SOX6: variants seen among roughly 807,000 people sequenced by gnomAD.
SOX6 encodes the protein SRY-box transcription factor 6.
Under a neutral mutation model 97.8 loss-of-function variants are expected in SOX6, and 11 were observed. The ratio of observed to expected loss-of-function variants is 0.11; its 90% CI spans 0.07 to 0.19. The LOEUF is 0.19. Ranked by LOEUF, SOX6 falls within the 10% of genes least tolerant of loss-of-function variation. The probability of loss-of-function intolerance (pLI) is 1.00; values close to 1 mark genes in which losing one functional copy is unlikely to be tolerated. For synonymous variants in SOX6, 360 were observed against 371.4 expected, an observed-to-expected ratio of 0.97 and a Z score of 0.35; for missense variants, 810 against 1,039.5, an observed-to-expected ratio of 0.78 and a Z score of 3.04.
At chr11:16,481,185 T>C (rs925610305), upstream of SOX6, among the ~76,000 whole-genome samples, 3 of 152,278 alleles carry the variant, frequency 2.0e-5, no homozygotes, top group Non-Finnish European at 4.4e-5. Context: ...CCATGTTTAT[T>C]GAACTCCATA....
chr11:16,496,987 C>T (rs779774358), intron 4 of SOX6, among the ~76,000 whole-genome samples: 1 of 152,208 alleles, frequency 6.6e-6, no homozygotes, highest in Non-Finnish European at 1.5e-5. Flanking sequence ...TCCCAGCACA[C>T]AGCTGGAGAT....
intron 3 of SOX6, among the ~76,000 whole-genome samples, chr11:16,657,216 T>C (rs1297763935): frequency 6.6e-6 from 1 of 152,226 alleles, no homozygotes; most frequent in Non-Finnish European, 1.5e-5. Flanking sequence ...CATAAAGTCT[T>C]TGCAGAATGG....
chr11:16,397,899 G>A (rs1277174487), intron 1 of SOX6, among the ~76,000 whole-genome samples: 2 of 151,526 alleles, frequency 1.3e-5, no homozygotes, highest in African/African-American at 4.8e-5. Flanking sequence ...CTTATATGCA[G>A]ATAAACAAAA....
intron 3 of SOX6, among the ~76,000 whole-genome samples, chr11:16,265,015 GGCA>G (rs1854032364): frequency 6.6e-6 from 1 of 151,758 alleles, no homozygotes; most frequent in South Asian, 2.1e-4. Context: ...TACAGTACAA[GGCA>G]GAAGAACTCA....
chr11:16,363,963 T>C (rs553931660), intron 1 of SOX6, among the ~76,000 whole-genome samples: 3 of 152,270 alleles, frequency 2.0e-5, no homozygotes, highest in African/African-American at 7.2e-5. Flanking sequence ...CCAGATGTTC[T>C]TTTCCATCAC....
At chr11:16,131,128 G>A (rs546718541) in intron 6 of SOX6, among the ~76,000 whole-genome samples, 13 of 151,582 alleles carry the variant, frequency 8.6e-5, no homozygotes, top group African/African-American at 1.4e-4. Flanking sequence ...CATTAAAATC[G>A]TAAACTTTGC....
At chr11:16,117,599 G>A (rs1409061148) in intron 6 of SOX6, among the ~76,000 whole-genome samples, 1 of 152,144 alleles carries the variant, frequency 6.6e-6, no homozygotes, top group Non-Finnish European at 1.5e-5. Flanking sequence ...CAAGGTAAGG[G>A]GAAAAGACAA....
chr11:16,457,955 C>T lies in SOX6; in HGVS notation c.-5+18360G>A, dbSNP rs72632977. On this transcript the variant is annotated intron_variant, in intron 1 of 15. Coordinates refer to the SOX6 transcript ENST00000396356. ...ATCACAATATATCTCTTCCACTATACTCTCACCTTCACAGGAACTTGATGG... is the reference window on the plus strand; with the variant it reads ...ATCACAATATATCTCTTCCACTATATTCTCACCTTCACAGGAACTTGATGG... Among the ~76,000 whole-genome samples, 490 of 152,072 alleles carry T rather than the reference C, an allele frequency of 3.2e-3. 24 individuals are homozygous for T. The East Asian group carries it at 0.08, about 25-fold the overall frequency.
chr11:16,376,943 TA>T (rs367893497), intron 1 of SOX6, among the ~76,000 whole-genome samples: 2 of 146,396 alleles, frequency 1.4e-5, no homozygotes, highest in Non-Finnish European at 3.0e-5. Flanking sequence ...AAAAAGAAAA[TA>T]AAAAAAAGAA....
chr11:16,136,176 G>A (rs61881676), intron 6 of SOX6, among the ~76,000 whole-genome samples: 6,901 of 151,384 alleles, frequency 0.046, 226 homozygotes, highest in South Asian at 0.091. Context: ...GCACCAACAC[G>A]CCCAGCTAAT....
At position 16,088,872 on chromosome 11, in the gene SOX6, C is replaced by T. The variant is rs563949284; in HGVS notation, c.1101+7124G>A. ...GTATAGTTTGAGATAGTCAAATACA[C>T]GGATATATTTGAAGCAATAAATTTT... On this transcript the variant is annotated intron_variant, in intron 9 of 15. Transcript: ENST00000683767. 3.1e-4 allele frequency among the ~76,000 whole-genome samples: 47 copies of T among 152,246 alleles called. No individual in the cohort carries two copies. In the East Asian group the frequency reaches 6.8e-3, roughly 22 times the overall value.
rs138080455 is a variant in SOX6, at chr11:16,369,052, G to A, written c.-4-27800C>T. On this transcript the variant is annotated intron_variant, in intron 1 of 15. Transcript: ENST00000396356. ...TCAAGACTAGCCTGGGCAACATAGCGAGACTCTGTTCTCCACAAAAAGGAA... is the reference window on the plus strand; with the variant it reads ...TCAAGACTAGCCTGGGCAACATAGCAAGACTCTGTTCTCCACAAAAAGGAA... 3.1e-3 allele frequency among the ~76,000 whole-genome samples: 467 copies of A among 152,112 alleles called. 1 individual carries two copies. The highest frequency in any genetic ancestry group is 6.8e-3 in the Middle Eastern group (2 of 294).
intron 2 of SOX6, among the ~76,000 whole-genome samples, chr11:16,329,742 G>T (rs1436853161): frequency 1.3e-5 from 2 of 152,130 alleles, no homozygotes; most frequent in Admixed American, 6.6e-5. Flanking sequence ...TTAAATGGTG[G>T]TGGTTACAAT....
intron 1 of SOX6, chr11:16,434,224 C>G (rs1770348951): frequency 6.6e-6 from 1 of 152,066 alleles, no homozygotes; most frequent in Admixed American, 6.6e-5. Context: ...CTTCCTCATA[C>G]CCCTCATTCC....
At chr11:16,637,008 C>T (rs1368008046) in intron 3 of SOX6, among the ~76,000 whole-genome samples, 6 of 152,060 alleles carry the variant, frequency 3.9e-5, no homozygotes, top group African/African-American at 1.2e-4. Context: ...AATTATGTCC[C>T]CTTTTCCTCT....
At chr11:16,317,761 C>A (rs114904881) in intron 3 of SOX6, 4,204 of 171,174 alleles carry the variant, frequency 0.025, 180 homozygotes, top group African/African-American at 0.095. Context: ...GGCCTAAAAT[C>A]TGTACATAAA....
At chr11:16,287,873 T>C (rs1019686221) in intron 3 of SOX6, among the ~76,000 whole-genome samples, 5 of 152,242 alleles carry the variant, frequency 3.3e-5, no homozygotes, top group Middle Eastern at 3.4e-3. Context: ...AAGTTTCCCA[T>C]TGACTCCAAA....
chr11:15,972,884 A>G lies in SOX6; in HGVS notation c.2412T>C (p.Tyr804=), dbSNP rs762269171. Residue 804 remains tyrosine, a synonymous_variant, in exon 16 of 16, where the codon TAT becomes TAC. Coordinates refer to ENST00000683767, the MANE Select transcript of SOX6 (RefSeq NM_001367873.1). ...MINGEDEMEM[Y]DDYEDDPKSD... is the part of the protein sequence containing the mutation. ...ATTTGGGGTCATCTTCATAGTCATC[A>G]TACATTTCCATTTCATCCTCTCCAT... 1 of 1,614,220 alleles carries G rather than the reference A, an allele frequency of 6.2e-7. No homozygotes were observed. Among genetic ancestry groups the G allele is most frequent in the Non-Finnish European group, 8.5e-7 (1 of 1,180,042 alleles).
intron 4 of SOX6, among the ~76,000 whole-genome samples, chr11:16,498,085 CA>C (rs1860636989): frequency 6.6e-6 from 1 of 152,172 alleles, no homozygotes; most frequent in South Asian, 2.1e-4. Context: ...GGGTTACCCA[CA>C]AAGGGAAGCC....
Sources: gnomAD v4.1 joint callset for allele counts (sites outside exome capture counted in the v4.1 genomes callset) on GRCh38, gnomAD v4.1.1 for gene constraint, MANE v1.5 for transcripts, NCBI Gene and HGNC (gene_info 2026-07-23, HGNC 2026-07-21) for gene names.